The following AHCYL2 variants were observed in gnomAD, a reference collection of about 807,000 sequenced individuals.
The protein encoded by AHCYL2 is adenosylhomocysteinase like 2, also known as S-adenosylhomocysteine hydrolase-like protein 2.
AHCYL2 carries 28 observed loss-of-function variants against 81.4 expected under a neutral mutation model. The observed-to-expected ratio is 0.34, with a 90% CI of 0.25 to 0.47. The LOEUF is 0.47. Among genes scored for constraint, AHCYL2 ranks in the 20% least tolerant of loss-of-function variants. AHCYL2 has a pLI of 1.00. For missense variants in AHCYL2, 551 were observed against 785.1 expected (o/e 0.70, Z 3.56); for synonymous variants, 272 against 290.2 (o/e 0.94, Z 0.64).
chr7:129,301,526 T>A (rs1036167445), intron 1 of AHCYL2, among the ~76,000 whole-genome samples: 1 of 152,308 alleles, frequency 6.6e-6, no homozygotes, highest in South Asian at 2.1e-4. Flanking sequence ...TCTATTTTTA[T>A]TTGATTTTTG....
At chr7:129,239,602 T>G (rs753824876) in intron 1 of AHCYL2, among the ~76,000 whole-genome samples, 8 of 152,018 alleles carry the variant, frequency 5.3e-5, no homozygotes, top group Non-Finnish European at 1.2e-4. Flanking sequence ...CCCAAGCCAC[T>G]GTGCCCAGCT....
Position 129,368,220 on chromosome 7 carries a change from G to T in AHCYL2, c.364-11418G>T. On this transcript the variant is annotated intron_variant, in intron 1 of 16. Transcript: ENST00000325006. This position sits in a 1 kb window ranked among gnomAD's most constrained non-coding sequence, Gnocchi z 4.4. ...TAAAACAGTGAGTGCCCTGTGAGAAGCACAGTGCCTGGGTGCAGCACTTTG... is the reference window on the plus strand; with the variant it reads ...TAAAACAGTGAGTGCCCTGTGAGAATCACAGTGCCTGGGTGCAGCACTTTG... 7.7e-7 allele frequency: 1 copy of T among 1,301,860 alleles called. No homozygotes were observed. Among genetic ancestry groups the T allele is most frequent in the South Asian group, 2.0e-5 (1 of 49,488 alleles). The allele number at this position is 1,301,860 out of a possible 1,614,324, so 80.6% of individuals were successfully genotyped here. A position where few individuals can be genotyped will look rare whatever the true frequency, so the allele number is the denominator to read the frequency against.
intron 1 of AHCYL2, among the ~76,000 whole-genome samples, chr7:129,244,536 C>G (rs139038733): frequency 2.0e-5 from 3 of 152,252 alleles, no homozygotes; most frequent in African/African-American, 7.2e-5. Context: ...CTGGTGTGGC[C>G]TAGCTAACTG....
intron 1 of AHCYL2, among the ~76,000 whole-genome samples, chr7:129,299,520 A>G (rs1288632546): frequency 6.6e-6 from 1 of 151,194 alleles, no homozygotes; most frequent in African/African-American, 2.4e-5. Flanking sequence ...CAGCCTCCCG[A>G]GTAGGTGGGA....
At chr7:129,358,605 G>T (rs1793826260) in intron 1 of AHCYL2, among the ~76,000 whole-genome samples, 1 of 152,184 alleles carries the variant, frequency 6.6e-6, no homozygotes. Flanking sequence ...GGAGAATGAG[G>T]AATTGTTGTT....
At chr7:129,256,180 G>A (rs1795413675) in intron 1 of AHCYL2, among the ~76,000 whole-genome samples, 1 of 152,142 alleles carries the variant, frequency 6.6e-6, no homozygotes, top group South Asian at 2.1e-4. Flanking sequence ...CAATTAGAAT[G>A]TGAGGATTAG....
At chr7:129,344,073 G>A (rs1208747292) in intron 1 of AHCYL2, among the ~76,000 whole-genome samples, 2 of 152,148 alleles carry the variant, frequency 1.3e-5, no homozygotes, top group Admixed American at 6.5e-5. Context: ...TAAAACCACA[G>A]TGAGATACTG....
chr7:129,321,743 G>GTTTTTTTTCTTTTT (rs1798023878), intron 1 of AHCYL2, among the ~76,000 whole-genome samples: 1 of 77,626 alleles, frequency 1.3e-5, no homozygotes, highest in African/African-American at 4.6e-5. Context: ...TTCTTTCTTT[G>GTTTTTTTTCTTTTT]TTTTTTTTTT....
At chr7:129,334,486 C>T (rs558659142) in intron 1 of AHCYL2, among the ~76,000 whole-genome samples, 37 of 152,204 alleles carry the variant, frequency 2.4e-4, no homozygotes, top group African/African-American at 8.2e-4. Context: ...ATTTTACTGT[C>T]GACAGACGAT....
intron 1 of AHCYL2, among the ~76,000 whole-genome samples, chr7:129,282,092 CT>C (rs1371904101): frequency 6.6e-6 from 1 of 152,058 alleles, no homozygotes; most frequent in Non-Finnish European, 1.5e-5. Context: ...AGAGAACATA[CT>C]TTGTATGACT....
intron 1 of AHCYL2, among the ~76,000 whole-genome samples, chr7:129,375,051 T>C (rs1794611859): frequency 6.6e-6 from 1 of 152,140 alleles, no homozygotes; most frequent in Admixed American, 6.5e-5. Context: ...CGGGGGACTC[T>C]GAGGAGATAA....
intron 1 of AHCYL2, among the ~76,000 whole-genome samples, chr7:129,314,819 T>G (rs1321168148): frequency 6.6e-6 from 1 of 152,208 alleles, no homozygotes; most frequent in Non-Finnish European, 1.5e-5. Context: ...ATTAAGGATA[T>G]AGTACTCTGG....
At chr7:129,238,475 T>C (rs1408000551) in intron 1 of AHCYL2, among the ~76,000 whole-genome samples, 1 of 152,230 alleles carries the variant, frequency 6.6e-6, no homozygotes, top group African/African-American at 2.4e-5. Flanking sequence ...CAAATACTGC[T>C]AAGTGCTAGA....
At chr7:129,310,009 A>T (rs923418785) in intron 1 of AHCYL2, among the ~76,000 whole-genome samples, 2 of 151,838 alleles carry the variant, frequency 1.3e-5, no homozygotes, top group African/African-American at 2.4e-5. Context: ...GTTTGACCTC[A>T]TTTTTACCTT....
At chr7:129,400,499 A>G in intron 6 of AHCYL2, 115 bp downstream of exon 6, 1 of 916,726 alleles carries the variant, frequency 1.1e-6, no homozygotes, top group Non-Finnish European at 1.7e-6. Flanking sequence ...CTTCATTTCT[A>G]TCTGATATAC....
At chr7:129,269,735 T>C (rs747298682) in intron 1 of AHCYL2, among the ~76,000 whole-genome samples, 11 of 152,196 alleles carry the variant, frequency 7.2e-5, no homozygotes, top group Non-Finnish European at 1.3e-4. Context: ...TGAGTTCTTT[T>C]TGTATTCCGT....
At chr7:129,249,672 G>A (rs1000012187) in intron 1 of AHCYL2, among the ~76,000 whole-genome samples, 7 of 151,966 alleles carry the variant, frequency 4.6e-5, no homozygotes, top group East Asian at 1.9e-4. Context: ...TGATCCACCC[G>A]CCTCGGCCTC....
rs567130623 is a variant in AHCYL2 at position 129,425,293 on chromosome 7, C to T, written c.1708+152C>T. On this transcript the variant is annotated intron_variant, in intron 15 of 16. Coordinates refer to ENST00000325006, the MANE Select transcript of AHCYL2 (RefSeq NM_015328.4). ...AATTAGGATTCCTAGGTGCCATTCC[C>T]ATTTATTTATCCCATTTTCTACATG... 54 of 670,388 alleles carry T rather than the reference C, an allele frequency of 8.1e-5. 2 individuals are homozygous for T. The South Asian group carries it at 9.4e-4, about 12-fold the overall frequency. 41.5% of individuals were successfully genotyped at this position (670,388 alleles called of 1,614,324 possible). A position where few individuals can be genotyped will look rare whatever the true frequency, so the allele number is the denominator to read the frequency against.
chr7:129,308,576 G>A (rs2150772551), intron 1 of AHCYL2, among the ~76,000 whole-genome samples: 1 of 152,176 alleles, frequency 6.6e-6, no homozygotes, highest in Admixed American at 6.5e-5. Flanking sequence ...TGCTTTTTTT[G>A]TGTAGATAGT....
Sources: gnomAD v4.1 joint callset for allele counts (sites outside exome capture counted in the v4.1 genomes callset) on GRCh38, gnomAD v4.1.1 for gene constraint, Gnocchi (gnomAD v3.1) non-coding constraint, MANE v1.5 for transcripts, NCBI Gene and HGNC (gene_info 2026-07-23, HGNC 2026-07-21) for gene names.